CDH18: variants seen among roughly 807,000 people sequenced by gnomAD.
The protein encoded by CDH18 is cadherin-18.
CDH18 carries 31 observed loss-of-function variants against 67.9 expected under a neutral mutation model. The ratio of observed to expected loss-of-function variants is 0.46; its 90% CI spans 0.34 to 0.62. CDH18 has a LOEUF of 0.62. CDH18 is among the 20% of genes least tolerant of loss of function. The probability of loss-of-function intolerance (pLI) is 0.01; values close to 1 mark genes in which losing one functional copy is unlikely to be tolerated. For missense variants in CDH18, 890 were observed against 975.5 expected (o/e 0.91, Z 1.17); for synonymous variants, 362 against 347.2 (o/e 1.04, Z -0.48).
intron 2 of CDH18, among the ~76,000 whole-genome samples, chr5:20,205,579 C>T (rs1739816445): frequency 6.6e-6 from 1 of 151,876 alleles, no homozygotes; most frequent in Admixed American, 6.6e-5. Context: ...TACATCAGCA[C>T]TTGGAACAAT....
At chr5:19,858,640 C>T (rs1784545771) in intron 2 of CDH18, among the ~76,000 whole-genome samples, 1 of 152,100 alleles carries the variant, frequency 6.6e-6, no homozygotes, top group Non-Finnish European at 1.5e-5. Context: ...GTTTGATGAA[C>T]ATTTCAAAAT....
At chr5:20,300,685 T>C (rs1747907841) in intron 1 of CDH18, among the ~76,000 whole-genome samples, 1 of 152,098 alleles carries the variant, frequency 6.6e-6, no homozygotes, top group Non-Finnish European at 1.5e-5. Context: ...ATCTAATAAA[T>C]AGAACATTGA....
intron 6 of CDH18, among the ~76,000 whole-genome samples, chr5:19,611,440 C>T (rs1224836198): frequency 6.6e-6 from 1 of 151,924 alleles, no homozygotes; most frequent in Non-Finnish European, 1.5e-5. Context: ...TAACAAAGGG[C>T]CGTGAATAAG....
At chr5:19,916,377 C>A (rs534305886) in intron 2 of CDH18, among the ~76,000 whole-genome samples, 1 of 152,276 alleles carries the variant, frequency 6.6e-6, no homozygotes, top group East Asian at 1.9e-4. Flanking sequence ...GCCCTCTTCT[C>A]ATCCCAGTTC....
intron 1 of CDH18, among the ~76,000 whole-genome samples, chr5:20,512,258 T>C (rs11750051): frequency 0.5 from 76,401 of 151,968 alleles, 19,358 homozygotes; most frequent in East Asian, 0.58. Context: ...CTATTTTGTG[T>C]ATCTATTTTT....
Position 19,650,757 on chromosome 5 carries a change from C to T in CDH18, c.644-38156G>A, listed in dbSNP as rs1012731769. Among the ~76,000 whole-genome samples, 16 of 152,072 alleles carry T rather than the reference C, an allele frequency of 1.1e-4. No individual in the cohort carries two copies. The East Asian group carries it at 2.7e-3, about 26-fold the overall frequency. On this transcript the variant is annotated intron_variant, in intron 5 of 12. Coordinates refer to ENST00000382275, the MANE Select transcript of CDH18 (RefSeq NM_004934.5). Reference sequence around the variant, plus strand: ...AATTAAACGTATTTCCACATCTTTTCTAAGAAGCCTTATATGGGAGTAATC... The same window carrying T: ...AATTAAACGTATTTCCACATCTTTTTTAAGAAGCCTTATATGGGAGTAATC...
intron 2 of CDH18, among the ~76,000 whole-genome samples, chr5:19,933,460 T>C (rs1340946537): frequency 6.6e-6 from 1 of 151,536 alleles, no homozygotes. Context: ...TATATGAATG[T>C]ATTCAGTATT....
intron 1 of CDH18, among the ~76,000 whole-genome samples, chr5:20,300,959 CTT>C (rs1341338804): frequency 6.6e-6 from 1 of 152,114 alleles, no homozygotes; most frequent in Admixed American, 6.5e-5. Context: ...ATATCATTCA[CTT>C]TAAAAAAAAT....
intron 5 of CDH18, among the ~76,000 whole-genome samples, chr5:19,648,724 AG>A (rs1405110011): frequency 6.6e-6 from 1 of 152,050 alleles, no homozygotes; most frequent in East Asian, 1.9e-4. Context: ...GAATCAAAAA[AG>A]CTTAGCTTCG....
chr5:19,473,458 T>C lies in CDH18; in HGVS notation c.2141A>G (p.Glu714Gly). ...TTCTGCCAGTCTTTGCTTAATAAAT[T>C]CCTGAACATCTATGCTTTCCAGGGT... is the stretch of plus-strand genomic sequence containing the variant. The part of the protein sequence containing the change: ...SSTLESIDVQ[E>G]FIKQRLAEAD... The change falls in exon 13 of 13, where the codon GAA becomes GGA. Residue 714 changes from glutamate (E) to glycine (G), a missense_variant. This residue lies in a region of CDH18 where 656 missense variants were observed against 668.1 expected (regional missense o/e 0.98). Transcript: ENST00000382275. The C allele has an allele frequency of 1.2e-6, 2 of 1,613,874 alleles. No homozygotes were observed. Among genetic ancestry groups the C allele is most frequent in the Non-Finnish European group, 1.7e-6 (2 of 1,179,898 alleles).
At position 20,152,142 on chromosome 5, in the gene CDH18, TTA is replaced by T. The variant is rs1751165272; in HGVS notation, c.-518+103300_-518+103301del. On this transcript the variant is annotated intron_variant, in intron 2 of 14. Transcript: ENST00000507958. ...TATAATTATTTATATATTACACAAA[TTA>T]TATATAATTTTATAATTATATATAA... Among the ~76,000 whole-genome samples the T allele has an allele frequency of 2.7e-5, 4 of 145,482 alleles. No individual in the cohort carries two copies. In the South Asian group the frequency reaches 8.4e-4, roughly 31 times the overall value.
rs147115262 is a variant in CDH18, at chr5:19,869,882, G to A, written c.-256-30640C>T. 4.1e-3 allele frequency among the ~76,000 whole-genome samples: 631 copies of A among 152,112 alleles called. 2 individuals are homozygous for A. The highest frequency in any genetic ancestry group is 0.014 in the African/African-American group (601 of 41,528). On this transcript the variant is annotated intron_variant, in intron 2 of 12. Coordinates refer to ENST00000382275, the MANE Select transcript of CDH18 (RefSeq NM_004934.5). ...CTTTTCATACCAGTTCACAGTTCTT[G>A]TAAGTCTTACTAGAACAACTAACAT... is the stretch of plus-strand genomic sequence containing the variant.
intron 3 of CDH18, among the ~76,000 whole-genome samples, chr5:19,811,155 A>AG (rs1778681187): frequency 1.3e-4 from 3 of 22,444 alleles, no homozygotes; most frequent in African/African-American, 2.4e-4. Context: ...AGAAAGAAAG[A>AG]AAGAAGGAGA....
At chr5:20,289,837 A>T (rs1746974048) in intron 1 of CDH18, among the ~76,000 whole-genome samples, 2 of 152,176 alleles carry the variant, frequency 1.3e-5, no homozygotes, top group Middle Eastern at 3.4e-3. Flanking sequence ...GAGGCAAAAA[A>T]CTGAAATACA....
chr5:19,747,075 A>G lies in CDH18; in HGVS notation c.390T>C (p.Ala130=). 3 of 1,614,126 alleles carry G rather than the reference A, an allele frequency of 1.9e-6. No homozygotes were observed. Among genetic ancestry groups the G allele is most frequent in the Non-Finnish European group, 2.5e-6 (3 of 1,180,020 alleles). The change falls in exon 4 of 13, where the codon GCT becomes GCC. Residue 130 remains alanine, a synonymous_variant. Transcript: ENST00000382275. ...QKTHYVLHAQ[A]IDRRTNKPLE... Reference sequence around the variant, plus strand: ...GAGGTTTGTTTGTACGTCTATCAATAGCTTGAGCATGAAGCACATAGTGGG... The same window carrying G: ...GAGGTTTGTTTGTACGTCTATCAATGGCTTGAGCATGAAGCACATAGTGGG...
intron 1 of CDH18, among the ~76,000 whole-genome samples, chr5:20,315,709 A>G (rs1737403198): frequency 6.6e-6 from 1 of 152,128 alleles, no homozygotes; most frequent in Non-Finnish European, 1.5e-5. Flanking sequence ...CTCATCCTCT[A>G]GATCTGTATT....
chr5:19,509,080 G>A (rs1014258082), intron 10 of CDH18, among the ~76,000 whole-genome samples: 1 of 151,960 alleles, frequency 6.6e-6, no homozygotes, highest in Non-Finnish European at 1.5e-5. Context: ...TGTTGGCCAG[G>A]CTGGTCTAGA....
At chr5:19,593,690 T>C (rs13358683) in intron 6 of CDH18, among the ~76,000 whole-genome samples, 92,939 of 108,630 alleles carry the variant, frequency 0.86, 39,170 homozygotes, top group East Asian at 1. Context: ...CCTCCTTCTC[T>C]TCCTCTTCCT....
intron 1 of CDH18, among the ~76,000 whole-genome samples, chr5:20,300,018 G>C (rs567721666): frequency 2.6e-5 from 4 of 152,070 alleles, no homozygotes; most frequent in Non-Finnish European, 4.4e-5. Flanking sequence ...AACTGTCGAG[G>C]ATTGCAGTTC....
Sources: gnomAD v4.1 joint callset for allele counts (sites outside exome capture counted in the v4.1 genomes callset) on GRCh38, gnomAD v4.1.1 for gene constraint, gnomAD v4.1.1 regional missense constraint, MANE v1.5 for transcripts, NCBI Gene and HGNC (gene_info 2026-07-23, HGNC 2026-07-21) for gene names.